PRKAA1: variants seen among roughly 807,000 people sequenced by gnomAD.
PRKAA1 encodes 5'-AMP-activated protein kinase catalytic subunit alpha-1.
PRKAA1 carries 23 observed loss-of-function variants against 56.9 expected under a neutral mutation model. The ratio of observed to expected loss-of-function variants is 0.40; its 90% confidence interval spans 0.29 to 0.57. The LOEUF (loss-of-function observed/expected upper bound fraction) is 0.57. PRKAA1 is among the 20% of genes least tolerant of loss of function. PRKAA1 has a pLI of 0.39. For synonymous variants in PRKAA1, 226 were observed against 227.0 expected, an observed-to-expected ratio of 1.00 and a Z score of 0.04; for missense variants, 413 against 679.7, an observed-to-expected ratio of 0.61 and a Z score of 4.36.
chr5:40,766,624 T>C (rs1467167863), intron 6 of PRKAA1, among the ~76,000 whole-genome samples: 1 of 152,018 alleles, frequency 6.6e-6, no homozygotes, highest in Non-Finnish European at 1.5e-5. Flanking sequence ...TCTCATTCCT[T>C]GGGATTAAAA....
At chr5:40,783,755 T>C (rs1427839723) in intron 1 of PRKAA1, among the ~76,000 whole-genome samples, 2 of 151,122 alleles carry the variant, frequency 1.3e-5, no homozygotes, top group African/African-American at 4.9e-5. Flanking sequence ...CGAGACTCCA[T>C]CTCAAAAAAA....
intron 8 of PRKAA1, 34 bp downstream of exon 8, chr5:40,764,480 G>T (rs758358284): frequency 8.2e-6 from 13 of 1,576,994 alleles, no homozygotes; most frequent in Non-Finnish European, 1.1e-5. Flanking sequence ...TAGTAACAAG[G>T]TCTAATCTAT....
At chr5:40,768,573 T>C in intron 5 of PRKAA1, 2 of 1,020,512 alleles carry the variant, frequency 2.0e-6, no homozygotes, top group Non-Finnish European at 2.3e-6. Context: ...AATTAGGTAC[T>C]CCTGCCTTAC....
At chr5:40,768,352 A>C in intron 5 of PRKAA1, 2 of 811,696 alleles carry the variant, frequency 2.5e-6, no homozygotes, top group Non-Finnish European at 3.0e-6. Flanking sequence ...AACTAGAAAA[A>C]TTAAATTTCA....
chr5:40,787,933 G>A (rs932986285), intron 1 of PRKAA1, among the ~76,000 whole-genome samples: 10 of 152,134 alleles, frequency 6.6e-5, no homozygotes, highest in Non-Finnish European at 8.8e-5. Flanking sequence ...CCAACTCTGC[G>A]CTGCCTATAA....
intron 4 of PRKAA1, among the ~76,000 whole-genome samples, chr5:40,770,623 G>A (rs1239025760): frequency 1.3e-4 from 16 of 120,204 alleles, no homozygotes; most frequent in Non-Finnish European, 2.2e-4. Flanking sequence ...TTTTGAGACC[G>A]TGTCTCACTC....
intron 4 of PRKAA1, 112 bp downstream of exon 4, chr5:40,771,605 TCA>T (rs1561172195): frequency 1.0e-6 from 1 of 999,720 alleles, no homozygotes; most frequent in Non-Finnish European, 1.4e-6. Context: ...TTTGATATAC[TCA>T]GTCTATTACT....
rs151280464 is a variant in PRKAA1 at position 40,766,540 on chromosome 5, C to G, written c.821+926G>C. 3.0e-4 allele frequency among the ~76,000 whole-genome samples: 46 copies of G among 152,216 alleles called. 1 individual carries two copies. The highest frequency in any genetic ancestry group is 1.0e-3 in the African/African-American group (43 of 41,536). ...GTTGAACCAGATGAAACTGGTTATA[C>G]TGACTTTTACCTACAAAACAGGAAT... is the stretch of plus-strand genomic sequence containing the variant. On this transcript the variant is annotated intron_variant, in intron 6 of 8. Coordinates refer to ENST00000397128, the MANE Select transcript of PRKAA1 (RefSeq NM_006251.6).
chr5:40,797,152 T>C (rs1175295466), intron 1 of PRKAA1, among the ~76,000 whole-genome samples: 2 of 152,196 alleles, frequency 1.3e-5, no homozygotes, highest in Non-Finnish European at 2.9e-5. Context: ...ATGAACTGCA[T>C]AGTGGTGAAG....
chr5:40,771,844 C>T lies in PRKAA1; in HGVS notation c.383G>A (p.Arg128Gln), dbSNP rs1263050834. The T allele has an allele frequency of 2.5e-6, 4 of 1,609,016 alleles. No homozygotes were observed. The highest frequency in any genetic ancestry group is 4.5e-5 in the East Asian group (2 of 44,736). Residue 128 changes from arginine to glutamine, a missense_variant, in exon 4 of 9, where the codon CGG becomes CAG. Coordinates refer to ENST00000397128, the MANE Select transcript of PRKAA1 (RefSeq NM_006251.6). ...KNGRLDEKES[R>Q]RLFQQILSGV... ...AGAAAGGATCTGTTGGAACAGACGC[C>T]GACTTTCTTTTTCATCCAGCTAAGA...
chr5:40,779,413 AC>A, intron 1 of PRKAA1, among the ~76,000 whole-genome samples: 1 of 152,218 alleles, frequency 6.6e-6, no homozygotes, highest in East Asian at 1.9e-4. Flanking sequence ...TATTTGAGAA[AC>A]ATAAAAACAC....
chr5:40,797,807 G>GCACC (rs1744999917), intron 1 of PRKAA1, among the ~76,000 whole-genome samples: 1 of 152,000 alleles, frequency 6.6e-6, no homozygotes, highest in African/African-American at 2.4e-5. Context: ...CCAGCCCCTC[G>GCACC]TACCTACCAG....
rs767733105 is a variant in PRKAA1 at position 40,762,866 on chromosome 5, G to A, written c.1592C>T (p.Ser531Phe). The A allele has an allele frequency of 9.9e-6, 16 of 1,614,184 alleles. No individual in the cohort carries two copies. Among genetic ancestry groups the A allele is most frequent in the Non-Finnish European group, 1.3e-5 (15 of 1,180,036 alleles). ...AGGTCTTGGAGTTAGGTCAACAGGA[G>A]AAGAGTCAAGTGAGGTCACAGATGA... ...LTSSVTSLDS[S>F]PVDLTPRPGS... Residue 531 changes from serine to phenylalanine, a missense_variant, in exon 9 of 9, where the codon TCT becomes TTT. Ser to Phe is a radical substitution (Grantham distance 155). Around this residue, in one of 9 missense-constraint regions of PRKAA1, gnomAD observed 139 missense variants for 171.5 expected, o/e 0.81. Transcript: ENST00000397128.
chr5:40,794,080 T>A (rs1744826950), intron 1 of PRKAA1, among the ~76,000 whole-genome samples: 1 of 148,992 alleles, frequency 6.7e-6, no homozygotes, highest in South Asian at 2.1e-4. Context: ...CCAGCCTGGG[T>A]GACAAGAGCA....
rs1745031814 is a variant in PRKAA1 at position 40,798,193 on chromosome 5, G to T, written c.-4C>A. On this transcript the variant is annotated 5_prime_UTR_variant, in exon 1 of 9. Coordinates refer to ENST00000397128, the MANE Select transcript of PRKAA1 (RefSeq NM_006251.6). ...TCCAGGAACTGAGTCTGCGCATGGC[G>T]CTGCGGGAGGGGGCGGAGGGGGCGG... 12 of 1,517,144 alleles carry T rather than the reference G, an allele frequency of 7.9e-6. No individual in the cohort carries two copies. Among genetic ancestry groups the T allele is most frequent in the Non-Finnish European group, 1.1e-5 (12 of 1,129,518 alleles). The allele number at this position is 1,517,144 out of a possible 1,614,324, so 94.0% of individuals were successfully genotyped here. A position where few individuals can be genotyped will look rare whatever the true frequency, so the allele number is the denominator to read the frequency against.
chr5:40,785,310 G>C (rs1744420060), intron 1 of PRKAA1, among the ~76,000 whole-genome samples: 1 of 152,024 alleles, frequency 6.6e-6, no homozygotes, highest in Non-Finnish European at 1.5e-5. Context: ...CATGATCTCA[G>C]CTCACTGCAA....
At position 40,798,236 on chromosome 5, in the gene PRKAA1, G is replaced by A; in HGVS notation, c.-47C>T. 1 of 497,530 alleles carries A rather than the reference G, an allele frequency of 2.0e-6. No individual in the cohort carries two copies. Among genetic ancestry groups the A allele is most frequent in the South Asian group, 3.5e-5 (1 of 28,506 alleles). The allele number at this position is 497,530 out of a possible 1,614,324, so 30.8% of individuals were successfully genotyped here. On this transcript the variant is annotated 5_prime_UTR_variant, in exon 1 of 9. Coordinates refer to ENST00000397128, the MANE Select transcript of PRKAA1 (RefSeq NM_006251.6). ...GGGGGCGGGCAGGGCCGCGCCGGGGGCGGGCGGGGAGGGGGTGGGGACGCG... is the reference window on the plus strand; with the variant it reads ...GGGGGCGGGCAGGGCCGCGCCGGGGACGGGCGGGGAGGGGGTGGGGACGCG...
chr5:40,774,612 A>C (rs1743909778), intron 3 of PRKAA1, among the ~76,000 whole-genome samples: 1 of 150,622 alleles, frequency 6.6e-6, no homozygotes, highest in Non-Finnish European at 1.5e-5. Context: ...CCTGAAATAG[A>C]AATGAATCAT....
Position 40,775,423 on chromosome 5 carries a change from C to T in PRKAA1, c.350G>A (p.Cys117Tyr). Residue 117 changes from cysteine (C) to tyrosine (Y), a missense_variant, in exon 3 of 9, where the codon TGT (cysteine) becomes TAT (tyrosine). Cys to Tyr is a radical substitution (Grantham distance 194). This residue lies in a region of PRKAA1 where 29 missense variants were observed against 44.2 expected (regional missense o/e 0.66). Coordinates refer to ENST00000397128, the MANE Select transcript of PRKAA1 (RefSeq NM_006251.6). ...VSGGELFDYI[C>Y]KNGRLDEKES... ...AGAACAGCTTACCCTTCCATTCTTA[C>T]AGATATAATCAAATAGCTCTCCTCC... 6.3e-7 allele frequency: 1 copy of T among 1,596,300 alleles called. No homozygotes were observed. Among genetic ancestry groups the T allele is most frequent in the East Asian group, 2.2e-5 (1 of 44,736 alleles).
Sources: allele counts gnomAD v4.1 joint callset (sites outside exome capture counted in the v4.1 genomes callset), GRCh38; gene constraint gnomAD v4.1.1; regional missense constraint gnomAD v4.1.1; transcripts MANE v1.5; gene names NCBI Gene and HGNC (gene_info 2026-07-23, HGNC 2026-07-21).